The following MMS22L variants were observed in gnomAD, a reference collection of about 807,000 sequenced individuals.
MMS22L encodes protein MMS22-like.
A neutral mutation model predicts 159.1 loss-of-function variants in MMS22L; 74 were observed. The ratio of observed to expected loss-of-function variants is 0.47; its 90% CI spans 0.39 to 0.56. The LOEUF (loss-of-function observed/expected upper bound fraction) is 0.56, where lower values mean the gene tolerates loss of function less well. Among genes scored for constraint, MMS22L ranks in the 20% least tolerant of loss-of-function variants. The pLI is 0.00. For synonymous variants in MMS22L, 517 were observed against 506.9 expected, an observed-to-expected ratio of 1.02 and a Z score of -0.27; for missense variants, 1,351 against 1,422.1, an observed-to-expected ratio of 0.95 and a Z score of 0.80.
rs545608324 is a variant in MMS22L, at chr6:97,252,074, C to A, written c.1119+2483G>T. 6.4e-4 allele frequency among the ~76,000 whole-genome samples: 96 copies of A among 149,498 alleles called. 1 individual carries two copies. Among genetic ancestry groups the A allele is most frequent in the African/African-American group, 2.3e-3 (92 of 40,662 alleles). On this transcript the variant is annotated intron_variant, in intron 10 of 24. Coordinates refer to ENST00000683635, the MANE Select transcript of MMS22L (RefSeq NM_001350599.2). ...CTCCAGCCTGGGCGACAGAGCGAGACTCCATCTCAAAAAAAAAAAAAAAGA... is the reference window on the plus strand; with the variant it reads ...CTCCAGCCTGGGCGACAGAGCGAGAATCCATCTCAAAAAAAAAAAAAAAGA...
Position 97,278,769 on chromosome 6 carries a change from A to C in MMS22L, c.340+80T>G. 2.6e-6 allele frequency: 3 copies of C among 1,143,716 alleles called. No homozygotes were observed. In the African/African-American group the frequency reaches 4.7e-5, roughly 18 times the overall value. 70.8% of individuals were successfully genotyped at this position (1,143,716 alleles called of 1,614,324 possible). A position where few individuals can be genotyped will look rare whatever the true frequency, so the allele number is the denominator to read the frequency against. Reference sequence around the variant, plus strand: ...TCCTCTGTATTATCATGATATGCCAATTATACCATCATGGACCCATGTGCA... The same window carrying C: ...TCCTCTGTATTATCATGATATGCCACTTATACCATCATGGACCCATGTGCA... On this transcript the variant is annotated intron_variant, in intron 4 of 24. Transcript: ENST00000683635.
chr6:97,217,216 A>C (rs2127965588), intron 14 of MMS22L, among the ~76,000 whole-genome samples: 1 of 152,240 alleles, frequency 6.6e-6, no homozygotes, highest in East Asian at 1.9e-4. Context: ...ATCTTGTAAA[A>C]AATCTAATAT....
At chr6:97,194,033 T>C (rs1431121300) in intron 14 of MMS22L, among the ~76,000 whole-genome samples, 1 of 151,816 alleles carries the variant, frequency 6.6e-6, no homozygotes, top group Non-Finnish European at 1.5e-5. Context: ...AGTGCTGGGA[T>C]TACAGGCGTG....
intron 11 of MMS22L, among the ~76,000 whole-genome samples, chr6:97,241,206 T>C (rs1200378684): frequency 6.6e-6 from 1 of 152,218 alleles, no homozygotes. Context: ...TATTCACTCA[T>C]TGATTGATGG....
intron 18 of MMS22L, among the ~76,000 whole-genome samples, chr6:97,175,357 T>C (rs961184607): frequency 6.6e-6 from 1 of 152,212 alleles, no homozygotes; most frequent in Admixed American, 6.5e-5. Flanking sequence ...AAAATATATG[T>C]GGCTGGAAGA....
chr6:97,246,179 G>A, intron 11 of MMS22L: 1 of 453,528 alleles, frequency 2.2e-6, no homozygotes, highest in South Asian at 1.6e-5. Flanking sequence ...AAATGATAAG[G>A]TATGAAACGA....
intron 9 of MMS22L, chr6:97,260,268 T>A (rs1814316203): frequency 6.6e-6 from 1 of 152,214 alleles, no homozygotes; most frequent in Non-Finnish European, 1.5e-5. Flanking sequence ...TATATCACAC[T>A]GTTTTCTTCT....
chr6:97,173,079 C>G lies in MMS22L; in HGVS notation c.2823G>C (p.Leu941=), dbSNP rs1191636865. The change falls in exon 19 of 25, where the codon CTG becomes CTC. Residue 941 remains leucine (L), a synonymous_variant. Transcript: ENST00000683635. ...AATACATACCCATCATTCCATAAGT[C>G]AGCTGCAGCCCTGCACTGAAAACTT... ...GKKVFSAGLQ[L]TYGMMGILVK... is the part of the protein sequence containing the mutation. The G allele has an allele frequency of 2.5e-6, 4 of 1,609,922 alleles. No individual in the cohort carries two copies. Among genetic ancestry groups the G allele is most frequent in the Non-Finnish European group, 3.4e-6 (4 of 1,178,938 alleles).
At chr6:97,262,352 A>G (rs1230035444) in intron 9 of MMS22L, among the ~76,000 whole-genome samples, 1 of 152,184 alleles carries the variant, frequency 6.6e-6, no homozygotes, top group Non-Finnish European at 1.5e-5. Context: ...TGTTATTAAA[A>G]AAAGATAGCA....
At position 97,182,085 on chromosome 6, in the gene MMS22L, A is replaced by C. The variant is rs751542956; in HGVS notation, c.2234-31T>G. 6.9e-6 allele frequency: 11 copies of C among 1,585,272 alleles called. No individual in the cohort carries two copies. The South Asian group carries it at 1.0e-4, about 15-fold the overall frequency. ...TTCAAAATGAGAGAAACTTAAAGTCAGGAATCTTTAAAAACCATTTCTGAC... is the reference window on the plus strand; with the variant it reads ...TTCAAAATGAGAGAAACTTAAAGTCCGGAATCTTTAAAAACCATTTCTGAC... On this transcript the variant is annotated intron_variant, in intron 15 of 24. Transcript: ENST00000683635.
In MMS22L at chr6:97,246,673, A is replaced by G. The variant is rs1190443218; in HGVS notation, c.1137T>C (p.Asn379=). The G allele has an allele frequency of 6.2e-7, 1 of 1,609,926 alleles. No homozygotes were observed. The highest frequency in any genetic ancestry group is 1.7e-5 in the Admixed American group (1 of 59,450). ...TCAGCAGTTCTTCTACAAAGTTCCA[A>G]TTTGATTCCACTTTTCTCTAGAAAG... ...VPDEMRKVES[N]WNFVEELLKK... The change falls in exon 11 of 25, where the codon AAT becomes AAC. Residue 379 remains asparagine (N), a synonymous_variant. Transcript: ENST00000683635.
intron 16 of MMS22L, 87 bp from the exon 17 acceptor site, chr6:97,179,646 C>G: frequency 8.8e-7 from 1 of 1,134,652 alleles, no homozygotes; most frequent in Non-Finnish European, 1.2e-6. Context: ...ATTCTAACAT[C>G]CCTGCAACTC....
Position 97,206,832 on chromosome 6 carries a change from T to G in MMS22L, c.2040-20142A>C, listed in dbSNP as rs1388880815. Among the ~76,000 whole-genome samples the G allele has an allele frequency of 3.9e-5, 6 of 152,294 alleles. No individual in the cohort carries two copies. The East Asian group carries it at 1.2e-3, about 29-fold the overall frequency. ...GCATAAAACTAAGTACTGTCCAATGTTTAGATTTTAGGTAGAATAACAGTT... is the reference window on the plus strand; with the variant it reads ...GCATAAAACTAAGTACTGTCCAATGGTTAGATTTTAGGTAGAATAACAGTT... On this transcript the variant is annotated intron_variant, in intron 14 of 24. Coordinates refer to ENST00000683635, the MANE Select transcript of MMS22L (RefSeq NM_001350599.2).
At chr6:97,229,493 CAATCT>C (rs1190807536) in intron 13 of MMS22L, 90 bp from the exon 14 acceptor site, 2 of 884,408 alleles carry the variant, frequency 2.3e-6, no homozygotes, top group Non-Finnish European at 3.3e-6. Flanking sequence ...ATACTCATAA[CAATCT>C]CATTAAATTT....
chr6:97,222,276 G>T (rs1263654849), intron 14 of MMS22L, among the ~76,000 whole-genome samples: 1 of 151,892 alleles, frequency 6.6e-6, no homozygotes, highest in Non-Finnish European at 1.5e-5. Context: ...AAAACAAGCA[G>T]ATGATCTTCT....
chr6:97,186,861 C>A (rs940046271), intron 14 of MMS22L, among the ~76,000 whole-genome samples, 171 bp from the exon 15 acceptor site: 8 of 152,058 alleles, frequency 5.3e-5, no homozygotes, highest in Non-Finnish European at 1.0e-4. Flanking sequence ...TGAATGATGG[C>A]ATATTAAGCA....
At chr6:97,242,728 T>G (rs771943273) in intron 11 of MMS22L, among the ~76,000 whole-genome samples, 6 of 152,196 alleles carry the variant, frequency 3.9e-5, no homozygotes, top group Admixed American at 1.3e-4. Flanking sequence ...ATTTTGAGGT[T>G]CAAGATTTAG....
At chr6:97,246,064 T>C (rs1001535197) in intron 11 of MMS22L, 33 of 334,310 alleles carry the variant, frequency 9.9e-5, no homozygotes, top group African/African-American at 7.2e-4. Context: ...TTCCATACAA[T>C]ATGTTTAAAA....
chr6:97,153,818 AAAC>A (rs945583350), intron 22 of MMS22L, among the ~76,000 whole-genome samples: 1 of 152,200 alleles, frequency 6.6e-6, no homozygotes, highest in Non-Finnish European at 1.5e-5. Flanking sequence ...TTTTATAGCC[AAAC>A]AATATTCCAT....
Sources: allele counts gnomAD v4.1 joint callset (sites outside exome capture counted in the v4.1 genomes callset), GRCh38; gene constraint gnomAD v4.1.1; transcripts MANE v1.5; gene names NCBI Gene and HGNC (gene_info 2026-07-23, HGNC 2026-07-21).